Variants in CDHR3 observed in about 807,000 individuals in gnomAD.
CDHR3 encodes cadherin related family member 3.
CDHR3 carries 79 observed loss-of-function variants against 86.6 expected under a neutral mutation model. The observed-to-expected ratio is 0.91, with a 90% CI of 0.76 to 1.10. The LOEUF is 1.10. CDHR3 is among the 50% of genes least tolerant of loss of function. The pLI is 0.00. For synonymous variants in CDHR3, 421 were observed against 402.4 expected (o/e 1.05, Z -0.55); for missense variants, 1,081 against 1,077.6 (o/e 1.00, Z -0.04).
At chr7:105,967,275 G>C (rs1266359944) in intron 1 of CDHR3, among the ~76,000 whole-genome samples, 2 of 152,192 alleles carry the variant, frequency 1.3e-5, no homozygotes, top group African/African-American at 4.8e-5. Context: ...TCCCTGCAAA[G>C]GACATGAACT....
chr7:106,009,779 C>G (rs1230272164), intron 8 of CDHR3, among the ~76,000 whole-genome samples: 4 of 152,232 alleles, frequency 2.6e-5, no homozygotes, highest in Admixed American at 2.6e-4. Flanking sequence ...AGGCACGTGA[C>G]AACCCCCGCT....
At chr7:106,007,503 A>C (rs896194339) in intron 8 of CDHR3, among the ~76,000 whole-genome samples, 1 of 152,166 alleles carries the variant, frequency 6.6e-6, no homozygotes, top group Admixed American at 6.5e-5. Context: ...CTTCTACCAG[A>C]TACTCTAAAT....
chr7:105,977,709 A>G (rs980559445), intron 2 of CDHR3, among the ~76,000 whole-genome samples: 2 of 152,320 alleles, frequency 1.3e-5, no homozygotes, highest in East Asian at 1.9e-4. Context: ...GAAAATCTCC[A>G]TGGCAGAATC....
chr7:105,989,054 G>A (rs1185062928), intron 4 of CDHR3, among the ~76,000 whole-genome samples: 1 of 152,204 alleles, frequency 6.6e-6, no homozygotes, highest in African/African-American at 2.4e-5. Flanking sequence ...CTTAGATCTA[G>A]CATTGGTTCC....
intron 12 of CDHR3, 54 bp from the exon 13 acceptor site, chr7:106,020,319 T>G: frequency 6.7e-7 from 1 of 1,484,074 alleles, no homozygotes; most frequent in Admixed American, 2.1e-5. Flanking sequence ...CTACACACAG[T>G]AAGCACTCAA....
Position 106,013,046 on chromosome 7 carries a change from A to AC in CDHR3, c.1224+15_1224+16insC. On this transcript the variant is annotated intron_variant, in intron 9 of 18. Transcript: ENST00000317716. ...GGAAGATTGTGGTCAGTTAATGGTC[A>AC]TTGCATCATTAAAAGGGCATCGGGA... 6.4e-7 allele frequency: 1 copy of AC among 1,564,756 alleles called. No individual in the cohort carries two copies. Among genetic ancestry groups the AC allele is most frequent in the Non-Finnish European group, 8.6e-7 (1 of 1,156,328 alleles).
At chr7:105,989,282 C>T (rs1171675818) in intron 4 of CDHR3, among the ~76,000 whole-genome samples, 1 of 146,058 alleles carries the variant, frequency 6.8e-6, no homozygotes, top group African/African-American at 2.5e-5. Flanking sequence ...CATTCAACTC[C>T]CACACTCTCT....
At chr7:105,966,842 C>G (rs1827013913) in intron 1 of CDHR3, among the ~76,000 whole-genome samples, 1 of 152,198 alleles carries the variant, frequency 6.6e-6, no homozygotes, top group Non-Finnish European at 1.5e-5. Context: ...AGGCCCACCC[C>G]ATAGTGATGC....
At chr7:105,968,755 C>G (rs142608375) in intron 1 of CDHR3, among the ~76,000 whole-genome samples, 9 of 152,304 alleles carry the variant, frequency 5.9e-5, no homozygotes, top group African/African-American at 1.9e-4. Context: ...GTTCGTGAAC[C>G]ACACTGACCC....
chr7:106,000,187 G>A (rs993600205), intron 6 of CDHR3, among the ~76,000 whole-genome samples: 1 of 152,232 alleles, frequency 6.6e-6, no homozygotes, highest in African/African-American at 2.4e-5. Context: ...GAATGGGCCT[G>A]TTTCAGTGGG....
chr7:106,028,924 C>CTTTCTTTCTT (rs1554532688), intron 17 of CDHR3, among the ~76,000 whole-genome samples: 2,533 of 90,026 alleles, frequency 0.028, 101 homozygotes, highest in Middle Eastern at 0.062. Flanking sequence ...AATTTTCTTT[C>CTTTCTTTCTT]TTTCTTTCTT....
chr7:105,980,151 C>T (rs1462297165), intron 2 of CDHR3, among the ~76,000 whole-genome samples: 1 of 152,226 alleles, frequency 6.6e-6, no homozygotes, highest in Non-Finnish European at 1.5e-5. Flanking sequence ...ATTACTTACG[C>T]AGATGTATCT....
At chr7:106,014,279 G>T (rs1227413736) in intron 9 of CDHR3, among the ~76,000 whole-genome samples, 3 of 152,060 alleles carry the variant, frequency 2.0e-5, no homozygotes, top group Non-Finnish European at 4.4e-5. Flanking sequence ...TATCCACCGG[G>T]GATATGTTCC....
chr7:106,014,405 A>G (rs1241578389), intron 9 of CDHR3, among the ~76,000 whole-genome samples: 1 of 152,224 alleles, frequency 6.6e-6, no homozygotes, highest in Non-Finnish European at 1.5e-5. Context: ...TAGGTACGGT[A>G]AGTATTGACA....
intron 6 of CDHR3, among the ~76,000 whole-genome samples, chr7:106,000,597 A>G (rs932537311): frequency 1.1e-4 from 17 of 152,222 alleles, no homozygotes; most frequent in African/African-American, 4.8e-5. Context: ...TTCCCTCAGC[A>G]AAAGGACTTC....
intron 4 of CDHR3, among the ~76,000 whole-genome samples, chr7:105,993,545 A>G (rs1195215744): frequency 6.6e-6 from 1 of 151,854 alleles, no homozygotes; most frequent in African/African-American, 2.4e-5. Flanking sequence ...GTGTGGTGGC[A>G]CACACCTGTA....
intron 8 of CDHR3, among the ~76,000 whole-genome samples, chr7:106,008,904 G>A (rs1834342834): frequency 6.6e-6 from 1 of 152,166 alleles, no homozygotes; most frequent in Non-Finnish European, 1.5e-5. Flanking sequence ...GGGCTGTGCT[G>A]TCTCAAATCT....
intron 16 of CDHR3, among the ~76,000 whole-genome samples, chr7:106,027,271 C>A (rs974914665): frequency 6.6e-6 from 1 of 152,022 alleles, no homozygotes; most frequent in African/African-American, 2.4e-5. Flanking sequence ...GTGGCACGCA[C>A]CTGTAGTCCC....
chr7:106,022,322 C>G lies in CDHR3; in HGVS notation c.1950C>G (p.Val650=). The change falls in exon 14 of 19, where the codon GTC becomes GTG. Residue 650 remains valine, a synonymous_variant. Coordinates refer to ENST00000317716, the MANE Select transcript of CDHR3 (RefSeq NM_152750.5). ...FDKIWDYKLL[V]YVTDDNLMSD... ...AGATCTGGGACTACAAGCTACTTGT[C>G]TACGTAACTGATGACAACTTGATGT... The G allele has an allele frequency of 6.2e-7, 1 of 1,614,008 alleles. No individual in the cohort carries two copies. Among genetic ancestry groups the G allele is most frequent in the Non-Finnish European group, 8.5e-7 (1 of 1,179,890 alleles).
Sources: allele counts gnomAD v4.1 joint callset (sites outside exome capture counted in the v4.1 genomes callset), GRCh38; gene constraint gnomAD v4.1.1; transcripts MANE v1.5; gene names NCBI Gene and HGNC (gene_info 2026-07-23, HGNC 2026-07-21).